TMEM38B: variants seen among roughly 807,000 people sequenced by gnomAD.
The protein encoded by TMEM38B is transmembrane protein 38B, also known as trimeric intracellular cation channel type B.
Under a neutral mutation model 28.7 loss-of-function variants are expected in TMEM38B, and 24 were observed. The ratio of observed to expected loss-of-function variants is 0.84; its 90% CI spans 0.61 to 1.18. TMEM38B has a LOEUF of 1.18. TMEM38B is among the 50% of genes most tolerant of loss of function. TMEM38B has a pLI of 0.00. For synonymous variants in TMEM38B, 131 were observed against 127.7 expected (o/e 1.03, Z -0.17); for missense variants, 380 against 350.9 (o/e 1.08, Z -0.66).
Position 105,699,622 on chromosome 9 carries a change from C to T in TMEM38B, c.112+4850C>T, listed in dbSNP as rs78416752. 5.2e-3 allele frequency among the ~76,000 whole-genome samples: 798 copies of T among 152,202 alleles called. 5 individuals carry two copies. The highest frequency in any genetic ancestry group is 8.9e-3 in the Non-Finnish European group (605 of 67,992). On this transcript the variant is annotated intron_variant, in intron 1 of 5. Transcript: ENST00000374692. ...CCCATTTTTGTTTGGTTCAGGTTTT[C>T]GGCTTTAAAATCCCAGGAAAGATAA... is the stretch of plus-strand genomic sequence containing the variant.
chr9:105,759,720 T>C, intron 5 of TMEM38B: 3 of 1,600,946 alleles, frequency 1.9e-6, no homozygotes, highest in Non-Finnish European at 2.6e-6. Context: ...TCCTGTTGAA[T>C]CTTCATTCAG....
chr9:105,748,961 T>C, intron 5 of TMEM38B: 1 of 770,162 alleles, frequency 1.3e-6, no homozygotes, highest in South Asian at 1.8e-5. Flanking sequence ...TTAGACTAGA[T>C]ATTTTTGGCT....
chr9:105,722,482 G>A, intron 3 of TMEM38B, 52 bp from the exon 4 acceptor site: 1 of 1,386,012 alleles, frequency 7.2e-7, no homozygotes, highest in South Asian at 1.2e-5. Context: ...CTTTAAATAT[G>A]TTTTACAGGA....
chr9:105,754,540 A>G (rs1423980129), intron 5 of TMEM38B, among the ~76,000 whole-genome samples: 1 of 152,250 alleles, frequency 6.6e-6, no homozygotes, highest in African/African-American at 2.4e-5. Flanking sequence ...TGGGTAATTA[A>G]TGAAATTAAG....
At chr9:105,766,046 C>G (rs558573644) in intron 5 of TMEM38B, among the ~76,000 whole-genome samples, 1 of 152,160 alleles carries the variant, frequency 6.6e-6, no homozygotes, top group Non-Finnish European at 1.5e-5. Context: ...CATGATCCGC[C>G]TGCCTCGGCC....
intron 4 of TMEM38B, among the ~76,000 whole-genome samples, chr9:105,732,431 T>C (rs1210163671): frequency 2.6e-5 from 4 of 152,350 alleles, no homozygotes; most frequent in Admixed American, 2.6e-4. Context: ...CCAGGGATTT[T>C]ATGGTTTTAG....
rs112795235 is a variant in TMEM38B at position 105,744,918 on chromosome 9, G to C, written c.543-3155G>C. 2.8e-3 allele frequency among the ~76,000 whole-genome samples: 422 copies of C among 152,130 alleles called. 3 individuals carry two copies. The highest frequency in any genetic ancestry group is 9.4e-3 in the African/African-American group (392 of 41,518). On this transcript the variant is annotated intron_variant, in intron 4 of 5. Coordinates refer to ENST00000374692, the MANE Select transcript of TMEM38B (RefSeq NM_018112.3). Reference sequence around the variant, plus strand: ...CATGTCCCTACAAAGGACATGAACTGATCATTTTTTATGGCTGCATAGTAT... The same window carrying C: ...CATGTCCCTACAAAGGACATGAACTCATCATTTTTTATGGCTGCATAGTAT...
intron 2 of TMEM38B, among the ~76,000 whole-genome samples, chr9:105,714,997 A>T (rs1380899385): frequency 6.6e-6 from 1 of 152,080 alleles, no homozygotes; most frequent in Admixed American, 6.6e-5. Flanking sequence ...GCTTTTTAAA[A>T]TTTTTTCCCT....
chr9:105,728,245 C>G (rs1012114585), intron 4 of TMEM38B, among the ~76,000 whole-genome samples: 2 of 151,806 alleles, frequency 1.3e-5, no homozygotes, highest in Non-Finnish European at 2.9e-5. Context: ...CTCTCCCAGC[C>G]CCCCAGCCCC....
chr9:105,758,719 A>G (rs1385996541), intron 5 of TMEM38B: 11 of 733,632 alleles, frequency 1.5e-5, no homozygotes, highest in Non-Finnish European at 2.4e-5. Flanking sequence ...AACTTTTCCA[A>G]AGATAAAGAT....
intron 2 of TMEM38B, among the ~76,000 whole-genome samples, chr9:105,706,744 A>G (rs1190600836): frequency 2.6e-5 from 4 of 151,214 alleles, no homozygotes; most frequent in African/African-American, 4.9e-5. Context: ...TCTGGAGCCC[A>G]TTCCTCTGTC....
At chr9:105,746,059 T>C (rs1007820236) in intron 4 of TMEM38B, among the ~76,000 whole-genome samples, 3 of 152,210 alleles carry the variant, frequency 2.0e-5, no homozygotes, top group Admixed American at 2.0e-4. Context: ...GACTTGGCAA[T>C]GCGGGCTCTT....
intron 2 of TMEM38B, chr9:105,710,386 A>T: frequency 8.4e-6 from 7 of 828,808 alleles, no homozygotes; most frequent in Non-Finnish European, 1.4e-5. Context: ...GAAAAGACTG[A>T]CTTCATGATC....
chr9:105,762,347 G>A (rs1049336263), intron 5 of TMEM38B, among the ~76,000 whole-genome samples: 3 of 150,434 alleles, frequency 2.0e-5, no homozygotes, highest in Admixed American at 6.6e-5. Flanking sequence ...ATGCTGGTGC[G>A]CTGCACCCAC....
intron 1 of TMEM38B, among the ~76,000 whole-genome samples, chr9:105,703,544 G>A (rs1483279689): frequency 6.6e-6 from 1 of 152,186 alleles, no homozygotes. Context: ...ATGATTTATA[G>A]TCCTTTGGGT....
intron 4 of TMEM38B, among the ~76,000 whole-genome samples, chr9:105,747,034 T>C (rs1055407657): frequency 2.0e-5 from 3 of 152,192 alleles, no homozygotes; most frequent in Non-Finnish European, 2.9e-5. Context: ...GGTCTAAAAT[T>C]CTCTTTTTTG....
intron 2 of TMEM38B, among the ~76,000 whole-genome samples, chr9:105,717,837 A>G (rs891913804): frequency 2.0e-5 from 3 of 152,208 alleles, no homozygotes; most frequent in African/African-American, 7.2e-5. Flanking sequence ...GCATTACAAA[A>G]CAACAATAAT....
At chr9:105,731,288 G>GAAC (rs1385333126) in intron 4 of TMEM38B, among the ~76,000 whole-genome samples, 2 of 146,342 alleles carry the variant, frequency 1.4e-5, no homozygotes, top group Non-Finnish European at 3.0e-5. Flanking sequence ...TGGTTTCAAA[G>GAAC]AACATCTTTA....
At chr9:105,738,450 G>A (rs959729697) in intron 4 of TMEM38B, among the ~76,000 whole-genome samples, 1 of 151,804 alleles carries the variant, frequency 6.6e-6, no homozygotes, top group Non-Finnish European at 1.5e-5. Context: ...CTGCATTCTG[G>A]TACTTTCCTT....
Sources: allele counts gnomAD v4.1 joint callset (sites outside exome capture counted in the v4.1 genomes callset), GRCh38; gene constraint gnomAD v4.1.1; transcripts MANE v1.5; gene names NCBI Gene and HGNC (gene_info 2026-07-23, HGNC 2026-07-21).